OPA1: variants seen among roughly 807,000 people sequenced by gnomAD.
The protein encoded by OPA1 is OPA1 mitochondrial dynamin like GTPase.
Under a neutral mutation model 152.9 loss-of-function variants are expected in OPA1, and 59 were observed. That is an observed-to-expected ratio of 0.39 (90% confidence interval 0.31 to 0.48). The LOEUF (loss-of-function observed/expected upper bound fraction) is 0.48. OPA1 is among the 20% of genes least tolerant of loss of function. OPA1 has a pLI of 0.96. For synonymous variants in OPA1, 400 were observed against 389.9 expected, an observed-to-expected ratio of 1.03 and a Z score of -0.31; for missense variants, 1,008 against 1,216.8, an observed-to-expected ratio of 0.83 and a Z score of 2.55.
At chr3:193,660,203 A>G (rs775768947) in intron 25 of OPA1, among the ~76,000 whole-genome samples, 1 of 152,166 alleles carries the variant, frequency 6.6e-6, no homozygotes, top group African/African-American at 2.4e-5. Flanking sequence ...TATCTTATCT[A>G]TATCTACCAT....
intron 15 of OPA1, 34 bp downstream of exon 15, chr3:193,643,661 A>G (rs766620412): frequency 3.3e-6 from 5 of 1,530,336 alleles, no homozygotes; most frequent in Admixed American, 1.7e-5. Context: ...ATGTACTGAT[A>G]TGTTTTCTTC....
At chr3:193,600,834 C>T (rs574220897) in intron 1 of OPA1, among the ~76,000 whole-genome samples, 45 of 152,278 alleles carry the variant, frequency 3.0e-4, no homozygotes, top group Middle Eastern at 3.4e-3. Context: ...GTTAGTTGCT[C>T]CTATAAACAT....
In OPA1 at chr3:193,615,741, T is replaced by G. The variant is rs1167044333; in HGVS notation, c.419T>G (p.Val140Gly). Reference sequence around the variant, plus strand: ...TATAAATGGATTGTGCCTGACATTGTGTGGGAAATTGATGAGTATATCGAT... The same window carrying G: ...TATAAATGGATTGTGCCTGACATTGGGTGGGAAATTGATGAGTATATCGAT... ...SEYKWIVPDI[V>G]WEIDEYIDFE... The change falls in exon 3 of 31, where the codon GTG becomes GGG. Residue 140 changes from valine (V) to glycine (G), a missense_variant. Physicochemically the swap from Val to Gly is moderately radical, Grantham distance 109 (BLOSUM62 -3). Around this residue, in one of 7 missense-constraint regions of OPA1, gnomAD observed 408 missense variants for 395.1 expected, o/e 1.03. Transcript: ENST00000361510. 6.2e-7 allele frequency: 1 copy of G among 1,611,326 alleles called. No homozygotes were observed. The highest frequency in any genetic ancestry group is 2.2e-5 in the East Asian group (1 of 44,782).
At chr3:193,633,023 A>G (rs1286245217) in intron 8 of OPA1, among the ~76,000 whole-genome samples, 1 of 152,130 alleles carries the variant, frequency 6.6e-6, no homozygotes, top group Non-Finnish European at 1.5e-5. Context: ...GTATGTTTTG[A>G]GTCACAGGTT....
intron 2 of OPA1, 131 bp downstream of exon 2, chr3:193,615,172 G>C (rs1293821106): frequency 6.5e-6 from 5 of 766,656 alleles, no homozygotes; most frequent in East Asian, 2.6e-5. Context: ...CCATGGACTA[G>C]ATTGTTTTAA....
At chr3:193,682,506 G>A (rs2109401867) in intron 29 of OPA1, among the ~76,000 whole-genome samples, 1 of 152,310 alleles carries the variant, frequency 6.6e-6, no homozygotes, top group African/African-American at 2.4e-5. Flanking sequence ...TTAATAGCTA[G>A]AGAGAAGTCA....
Position 193,596,392 on chromosome 3 carries a change from GTTCTT to G in OPA1, c.32+3010_32+3014del, listed in dbSNP as rs1255269888. On this transcript the variant is annotated intron_variant, in intron 1 of 30. Transcript: ENST00000361510. ...TTTCTTTTCTTTTCTTTTCTTTTCT[GTTCTT>G]TTCTTTTCTTTTCTTTTCTTTTCTT... Among the ~76,000 whole-genome samples, 254 of 106,892 alleles carry G rather than the reference GTTCTT, an allele frequency of 2.4e-3. 2 individuals are homozygous for G. The highest frequency in any genetic ancestry group is 4.9e-3 in the Middle Eastern group (1 of 204). The allele number at this position is 106,892 out of a possible 152,430, so 70.1% of individuals were successfully genotyped here.
chr3:193,646,214 A>G (rs1734583569), intron 18 of OPA1, among the ~76,000 whole-genome samples: 2 of 152,200 alleles, frequency 1.3e-5, no homozygotes, highest in Admixed American at 1.3e-4. Context: ...AGATAAGCAA[A>G]AAGAGCTAAA....
chr3:193,643,329 C>A, intron 13 of OPA1, 44 bp from the exon 14 acceptor site: 1 of 1,482,262 alleles, frequency 6.7e-7, no homozygotes, highest in Non-Finnish European at 9.4e-7. Flanking sequence ...TGACAAATTC[C>A]CCCCAAACTT....
At chr3:193,624,171 G>A (rs990504803) in intron 6 of OPA1, 1 of 152,268 alleles carries the variant, frequency 6.6e-6, no homozygotes, top group Non-Finnish European at 1.5e-5. Context: ...ATAGACGCGA[G>A]TGAGAAATGT....
intron 27 of OPA1, among the ~76,000 whole-genome samples, chr3:193,665,248 A>G (rs1194288453): frequency 1.4e-5 from 2 of 139,548 alleles, no homozygotes; most frequent in African/African-American, 2.8e-5. Context: ...AAGTGTGAAT[A>G]TAAATAGTAA....
chr3:193,596,832 A>G (rs1470992112), intron 1 of OPA1: 1 of 152,186 alleles, frequency 6.6e-6, no homozygotes, highest in African/African-American at 2.4e-5. Context: ...TCTCGCTCCA[A>G]GTGGATCAGC....
chr3:193,593,736 CTT>C (rs1226765867), intron 1 of OPA1, among the ~76,000 whole-genome samples: 1 of 152,042 alleles, frequency 6.6e-6, no homozygotes, highest in Non-Finnish European at 1.5e-5. Flanking sequence ...CTGGTTGCCT[CTT>C]TTGCCTTTTT....
chr3:193,614,863 C>T lies in OPA1; in HGVS notation c.173C>T (p.Ser58Phe), dbSNP rs1417008261. ...LKLQRPQLRT[S>F]FQQFSSLTNL... is the part of the protein sequence containing the mutation. The stretch of plus-strand genomic sequence containing the variant: ...CTTCAACGACCCCAATTAAGGACAT[C>T]CTTTCAGCAGTTCTCTTCTCTGACA... Residue 58 changes from serine (S) to phenylalanine (F), a missense_variant, in exon 2 of 31, where the codon TCC (serine) becomes TTC (phenylalanine). By Grantham distance (155) the Ser-to-Phe change is radical. This residue lies in a region of OPA1 where 408 missense variants were observed against 395.1 expected (regional missense o/e 1.03). Transcript: ENST00000361510. The T allele has an allele frequency of 2.5e-6, 4 of 1,614,066 alleles. No individual in the cohort carries two copies. Among genetic ancestry groups the T allele is most frequent in the Non-Finnish European group, 3.4e-6 (4 of 1,179,908 alleles).
chr3:193,604,068 G>A (rs1328452726), intron 1 of OPA1, among the ~76,000 whole-genome samples: 2 of 152,198 alleles, frequency 1.3e-5, no homozygotes, highest in Non-Finnish European at 2.9e-5. Context: ...TGTGGGACTT[G>A]CAAATTAAGT....
chr3:193,637,703 T>G (rs530237205), intron 10 of OPA1, among the ~76,000 whole-genome samples: 6 of 152,202 alleles, frequency 3.9e-5, no homozygotes, highest in Non-Finnish European at 8.8e-5. Context: ...TTAGAAATAC[T>G]GGTTTAAATT....
At chr3:193,617,675 C>T (rs1331274844) in intron 4 of OPA1, 109 bp from the exon 5 acceptor site, 7 of 810,778 alleles carry the variant, frequency 8.6e-6, no homozygotes, top group East Asian at 5.0e-5. Flanking sequence ...GGCATATTTG[C>T]CCAATTATTG....
intron 21 of OPA1, among the ~76,000 whole-genome samples, chr3:193,650,996 G>A (rs1305967525): frequency 6.6e-6 from 1 of 152,070 alleles, no homozygotes; most frequent in Non-Finnish European, 1.5e-5. Context: ...AAGTGTTAAG[G>A]CAGAGGCAGG....
At chr3:193,661,766 A>T (rs150344287) in intron 25 of OPA1, among the ~76,000 whole-genome samples, 1 of 152,198 alleles carries the variant, frequency 6.6e-6, no homozygotes, top group African/African-American at 2.4e-5. Context: ...AATGATGGGT[A>T]GAAAGGGGGA....
Sources: gnomAD v4.1 joint callset for allele counts (sites outside exome capture counted in the v4.1 genomes callset) on GRCh38, gnomAD v4.1.1 for gene constraint, gnomAD v4.1.1 regional missense constraint, MANE v1.5 for transcripts, NCBI Gene and HGNC (gene_info 2026-07-23, HGNC 2026-07-21) for gene names.